Variants in NFIL3 observed in about 807,000 individuals in gnomAD.
The protein encoded by NFIL3 is nuclear factor interleukin-3-regulated protein.
A neutral mutation model predicts 10.0 loss-of-function variants in NFIL3; 5 were observed. The observed-to-expected ratio is 0.50, with a 90% CI of 0.26 to 1.06. The LOEUF (loss-of-function observed/expected upper bound fraction) is 1.06, where lower values mean the gene tolerates loss of function less well. Among genes scored for constraint, NFIL3 ranks in the 50% least tolerant of loss-of-function variants. The pLI is 0.13. For synonymous variants in NFIL3, 202 were observed against 206.5 expected, an observed-to-expected ratio of 0.98 and a Z score of 0.19; for missense variants, 436 against 547.6, an observed-to-expected ratio of 0.80 and a Z score of 2.03.
the NFIL3 span, among the ~76,000 whole-genome samples, chr9:91,440,885 T>G: frequency 6.6e-6 from 1 of 152,136 alleles, no homozygotes; most frequent in Admixed American, 6.5e-5. Flanking sequence ...ATGATTTTAG[T>G]TTTTTAAAAT....
the NFIL3 span, among the ~76,000 whole-genome samples, chr9:91,436,947 G>A: frequency 6.6e-6 from 1 of 152,210 alleles, no homozygotes; most frequent in Non-Finnish European, 1.5e-5. Context: ...CAAGGGTTTT[G>A]GGGGATGGTT....
the NFIL3 span, among the ~76,000 whole-genome samples, chr9:91,431,164 C>G: frequency 1.3e-5 from 2 of 152,160 alleles, no homozygotes; most frequent in Non-Finnish European, 2.9e-5. Context: ...CCAACCAGTA[C>G]GTTATTCAGG....
At chr9:91,436,189 T>G in the NFIL3 span, among the ~76,000 whole-genome samples, 1 of 152,192 alleles carries the variant, frequency 6.6e-6, no homozygotes, top group African/African-American at 2.4e-5. Context: ...GAAAGAAAGC[T>G]CCTGCAAACA....
chr9:91,443,966 T>C, the NFIL3 span, among the ~76,000 whole-genome samples: 1 of 152,244 alleles, frequency 6.6e-6, no homozygotes, highest in Non-Finnish European at 1.5e-5. Flanking sequence ...TAGACATTAA[T>C]ATCTTTCTCA....
At chr9:91,419,532 A>T (rs572534169) in intron 1 of NFIL3, among the ~76,000 whole-genome samples, 133 of 152,358 alleles carry the variant, frequency 8.7e-4, no homozygotes, top group Middle Eastern at 3.4e-3. Context: ...AATTGTTTCA[A>T]AAACTACAGT....
At chr9:91,440,068 G>A in the NFIL3 span, among the ~76,000 whole-genome samples, 8 of 152,112 alleles carry the variant, frequency 5.3e-5, no homozygotes, top group East Asian at 1.5e-3. Context: ...CCTATTTTTT[G>A]GAAGAGTTTA....
chr9:91,480,144 ATTT>A, the NFIL3 span, among the ~76,000 whole-genome samples: 1 of 140,540 alleles, frequency 7.1e-6, no homozygotes. Flanking sequence ...ATAATCTAAT[ATTT>A]TTTTTTTTTT....
chr9:91,410,947 A>C lies in NFIL3; in HGVS notation c.-172-41T>G, dbSNP rs1833536827. 1 of 502,444 alleles carries C rather than the reference A, an allele frequency of 2.0e-6. No individual in the cohort carries two copies. The highest frequency in any genetic ancestry group is 3.6e-6 in the Non-Finnish European group (1 of 280,740). The allele number at this position is 502,444 out of a possible 1,614,324, so 31.1% of individuals were successfully genotyped here. A position where few individuals can be genotyped will look rare whatever the true frequency, so the allele number is the denominator to read the frequency against. On this transcript the variant is annotated intron_variant, in intron 1 of 1. Transcript: ENST00000297689. The surrounding 1 kb of genome is among the most constrained non-coding windows in gnomAD (Gnocchi z 5.7). Reference sequence around the variant, plus strand: ...AAAAAAAAAACCAGTTATTCACTGGATAAATGTTTATTACAAATTATGTAC... The same window carrying C: ...AAAAAAAAAACCAGTTATTCACTGGCTAAATGTTTATTACAAATTATGTAC...
At chr9:91,425,381 C>T (rs752525696), upstream of NFIL3, among the ~76,000 whole-genome samples, 20 of 152,166 alleles carry the variant, frequency 1.3e-4, no homozygotes, top group Non-Finnish European at 2.9e-5. Context: ...TTTTTATCAC[C>T]TATCAGTTGA....
chr9:91,414,054 C>G (rs912452074), intron 1 of NFIL3, among the ~76,000 whole-genome samples: 2 of 152,144 alleles, frequency 1.3e-5, no homozygotes, highest in Non-Finnish European at 2.9e-5. Context: ...TGGGAAGGAG[C>G]CTTCACAATA....
chr9:91,454,556 G>T, the NFIL3 span, among the ~76,000 whole-genome samples: 1 of 152,094 alleles, frequency 6.6e-6, no homozygotes, highest in Non-Finnish European at 1.5e-5. Flanking sequence ...TGTCAGCTGG[G>T]CACAGTGGCT....
At chr9:91,449,476 C>T in the NFIL3 span, among the ~76,000 whole-genome samples, 1 of 151,850 alleles carries the variant, frequency 6.6e-6, no homozygotes, top group Admixed American at 6.6e-5. Flanking sequence ...GTGGGTTTCC[C>T]CCTTCTTTCT....
At chr9:91,450,761 A>G in the NFIL3 span, among the ~76,000 whole-genome samples, 8 of 152,228 alleles carry the variant, frequency 5.3e-5, no homozygotes, top group Admixed American at 2.6e-4. Context: ...GCCCTTATAG[A>G]TCTTATGGTT....
At chr9:91,473,955 T>C in the NFIL3 span, among the ~76,000 whole-genome samples, 22 of 152,224 alleles carry the variant, frequency 1.4e-4, no homozygotes. Context: ...CTTATCTTAT[T>C]GCATTAGTGA....
chr9:91,416,292 G>A (rs1231082621), intron 1 of NFIL3, among the ~76,000 whole-genome samples: 1 of 151,900 alleles, frequency 6.6e-6, no homozygotes, highest in East Asian at 1.9e-4. Flanking sequence ...AGACCACACA[G>A]CAGTTGGGCA....
the NFIL3 span, among the ~76,000 whole-genome samples, chr9:91,460,250 A>G: frequency 6.4e-5 from 8 of 125,426 alleles, no homozygotes; most frequent in Admixed American, 5.3e-4. Context: ...GATTGCTGCC[A>G]TGGGCAAGGA....
the NFIL3 span, among the ~76,000 whole-genome samples, chr9:91,432,338 A>G: frequency 1.1e-4 from 17 of 152,000 alleles, no homozygotes; most frequent in African/African-American, 3.9e-4. Flanking sequence ...TACTTCCCCT[A>G]TTTCTCTGTC....
At chr9:91,425,200 C>G (rs1416175757), upstream of NFIL3, among the ~76,000 whole-genome samples, 1 of 152,170 alleles carries the variant, frequency 6.6e-6, no homozygotes, top group Non-Finnish European at 1.5e-5. Flanking sequence ...TTGCTCCTTT[C>G]GTTTTTAAAA....
At position 91,409,665 on chromosome 9, in the gene NFIL3, A is replaced by G. The variant is rs750082020; in HGVS notation, c.1070T>C (p.Met357Thr). ...GAGTTCGAAATGTCTTTTAGATGTC[A>G]TGTCAATAGGTGAGGAAAGTTTTTG... ...ATQKLSSPID[M>T]TSKRHFELEK... The change falls in exon 2 of 2, where the codon ATG becomes ACG. Residue 357 changes from methionine (M) to threonine (T), a missense_variant. By Grantham distance (81) the Met-to-Thr change is moderately conservative. Around this residue, in one of 3 missense-constraint regions of NFIL3, gnomAD observed 338 missense variants for 399.9 expected, o/e 0.85. Transcript: ENST00000297689. 22 of 1,614,112 alleles carry G rather than the reference A, an allele frequency of 1.4e-5. No homozygotes were observed. Among genetic ancestry groups the G allele is most frequent in the Non-Finnish European group, 1.8e-5 (21 of 1,180,048 alleles).
Sources: gnomAD v4.1 joint callset for allele counts (sites outside exome capture counted in the v4.1 genomes callset) on GRCh38, gnomAD v4.1.1 for gene constraint, gnomAD v4.1.1 regional missense constraint, Gnocchi (gnomAD v3.1) non-coding constraint, MANE v1.5 for transcripts, NCBI Gene and HGNC (gene_info 2026-07-23, HGNC 2026-07-21) for gene names.